RHBDL3: variants seen among roughly 807,000 people sequenced by gnomAD.
RHBDL3 encodes the protein rhomboid-related protein 3.
RHBDL3 carries 28 observed loss-of-function variants against 48.2 expected under a neutral mutation model. The observed-to-expected ratio is 0.58, with a 90% CI of 0.43 to 0.80. The LOEUF is 0.80. Among genes scored for constraint, RHBDL3 ranks in the 30% least tolerant of loss-of-function variants. The pLI, the probability that RHBDL3 is intolerant of heterozygous loss-of-function variation, is 0.00. For synonymous variants in RHBDL3, 208 were observed against 232.3 expected, an observed-to-expected ratio of 0.90 and a Z score of 0.95; for missense variants, 464 against 542.7, an observed-to-expected ratio of 0.85 and a Z score of 1.44.
At chr17:32,294,482 C>T (rs1344163274) in intron 5 of RHBDL3, 40 bp downstream of exon 5, 1 of 1,569,072 alleles carries the variant, frequency 6.4e-7, no homozygotes. Context: ...AAAGACCCTA[C>T]AGAAAAATAA....
chr17:32,316,193 G>A lies in RHBDL3; in HGVS notation c.883-39G>A, dbSNP rs758561554. ...AGCAAGACACACCGGCAGAAGAGTG[G>A]TCTAATCTGGAACTGACTGAGCTCT... On this transcript the variant is annotated intron_variant, in intron 7 of 8. Coordinates refer to ENST00000269051, the MANE Select transcript of RHBDL3 (RefSeq NM_138328.3). The A allele has an allele frequency of 1.6e-5, 24 of 1,478,202 alleles. 1 individual carries two copies. In the South Asian group the frequency reaches 2.4e-4, roughly 15 times the overall value. The allele number at this position is 1,478,202 out of a possible 1,614,324, so 91.6% of individuals were successfully genotyped here. A position where few individuals can be genotyped will look rare whatever the true frequency, so the allele number is the denominator to read the frequency against.
At chr17:32,287,842 G>C (rs2040232910) in intron 3 of RHBDL3, among the ~76,000 whole-genome samples, 1 of 152,242 alleles carries the variant, frequency 6.6e-6, no homozygotes, top group African/African-American at 2.4e-5. Flanking sequence ...AGGGTCTACA[G>C]TTGGCCGTGG....
At position 32,266,239 on chromosome 17, in the gene RHBDL3, C is replaced by G. The variant is rs942790683; in HGVS notation, c.50C>G (p.Ala17Gly). Residue 17 changes from alanine (A) to glycine (G), a missense_variant, in exon 1 of 9, where the codon GCG becomes GGG. By Grantham distance (60) the Ala-to-Gly change is moderately conservative. Coordinates refer to ENST00000269051, the MANE Select transcript of RHBDL3 (RefSeq NM_138328.3). ...CCCGCGGTGGCCGCCTGCGCCGAGGCGGAGCGCATCGAGGAGCTGGAACCC... is the reference window on the plus strand; with the variant it reads ...CCCGCGGTGGCCGCCTGCGCCGAGGGGGAGCGCATCGAGGAGCTGGAACCC... ...PGPAVAACAE[A>G]ERIEELEPEA... is the part of the protein sequence containing the mutation. 5 of 1,452,926 alleles carry G rather than the reference C, an allele frequency of 3.4e-6. No individual in the cohort carries two copies. The highest frequency in any genetic ancestry group is 2.7e-6 in the Non-Finnish European group (3 of 1,109,178). 90.0% of individuals were successfully genotyped at this position (1,452,926 alleles called of 1,614,324 possible).
chr17:32,280,209 T>C (rs1057233120), intron 2 of RHBDL3, among the ~76,000 whole-genome samples: 11 of 152,148 alleles, frequency 7.2e-5, no homozygotes, highest in African/African-American at 2.7e-4. Flanking sequence ...GCTGGGCCCC[T>C]ACGGCCCATT....
chr17:32,324,390 G>A lies in RHBDL3; in HGVS notation c.*3161G>A, dbSNP rs185225092. 3.3e-5 allele frequency: 5 copies of A among 152,670 alleles called. No homozygotes were observed. The highest frequency in any genetic ancestry group is 2.0e-4 in the Admixed American group (3 of 15,276). The allele number at this position is 152,670 out of a possible 1,614,324, so 9.5% of individuals were successfully genotyped here. A position where few individuals can be genotyped will look rare whatever the true frequency, so the allele number is the denominator to read the frequency against. ...AGCGTCCAATTTAATTTGCAAATACGTAATGCAGATTCCCTGGGTGCCGTG... is the reference window on the plus strand; with the variant it reads ...AGCGTCCAATTTAATTTGCAAATACATAATGCAGATTCCCTGGGTGCCGTG... On this transcript the variant is annotated 3_prime_UTR_variant, in exon 9 of 9. Transcript: ENST00000269051.
chr17:32,284,182 AG>A (rs1348635060), intron 2 of RHBDL3: 1 of 152,706 alleles, frequency 6.5e-6, no homozygotes, highest in Non-Finnish European at 1.5e-5. Context: ...GAGGGCGGCC[AG>A]GGGCAGAAGG....
chr17:32,304,726 A>T (rs548650035), intron 6 of RHBDL3, among the ~76,000 whole-genome samples: 62 of 152,324 alleles, frequency 4.1e-4, no homozygotes, highest in African/African-American at 1.5e-3. Context: ...AGAGGCAGAT[A>T]ATCCAGGTAG....
At chr17:32,278,038 C>T (rs1462602764) in intron 2 of RHBDL3, among the ~76,000 whole-genome samples, 3 of 152,126 alleles carry the variant, frequency 2.0e-5, no homozygotes, top group Non-Finnish European at 4.4e-5. Flanking sequence ...TGGCTCACAC[C>T]TGTAATCCCA....
At chr17:32,283,134 G>C (rs1166622130) in intron 2 of RHBDL3, among the ~76,000 whole-genome samples, 3 of 152,046 alleles carry the variant, frequency 2.0e-5, no homozygotes, top group Non-Finnish European at 4.4e-5. Flanking sequence ...ACTCACAGCT[G>C]CATCTCCAGG....
intron 6 of RHBDL3, among the ~76,000 whole-genome samples, chr17:32,301,967 T>A (rs2040593992): frequency 6.6e-6 from 1 of 152,260 alleles, no homozygotes; most frequent in Non-Finnish European, 1.5e-5. Flanking sequence ...TTATCACAGC[T>A]GTACCTTATG....
At chr17:32,314,474 C>T (rs1180036016) in intron 7 of RHBDL3, among the ~76,000 whole-genome samples, 3 of 152,106 alleles carry the variant, frequency 2.0e-5, no homozygotes, top group South Asian at 2.1e-4. Flanking sequence ...TGAGCCACCG[C>T]GCCCAGCCGG....
intron 8 of RHBDL3, 108 bp downstream of exon 8, chr17:32,316,400 T>C: frequency 1.3e-6 from 1 of 792,806 alleles, no homozygotes. Flanking sequence ...AAAAAAAAAG[T>C]GGGACATGTC....
intron 1 of RHBDL3, among the ~76,000 whole-genome samples, chr17:32,267,370 G>A (rs1567758010): frequency 6.8e-6 from 1 of 147,890 alleles, no homozygotes; most frequent in African/African-American, 2.5e-5. Context: ...AACAAAAAAC[G>A]AACAAACAAA....
intron 4 of RHBDL3, 145 bp from the exon 5 acceptor site, chr17:32,294,149 A>C (rs535410818): frequency 1.8e-6 from 1 of 544,976 alleles, no homozygotes; most frequent in African/African-American, 2.0e-5. Flanking sequence ...AAAAAAACTC[A>C]GTTGGGCCCT....
At chr17:32,305,748 C>T (rs982860563) in intron 7 of RHBDL3, among the ~76,000 whole-genome samples, 1 of 152,062 alleles carries the variant, frequency 6.6e-6, no homozygotes, top group African/African-American at 2.4e-5. Context: ...GAAACCCCAT[C>T]TCTACTAAAA....
chr17:32,283,791 G>A (rs2040127744), intron 2 of RHBDL3, among the ~76,000 whole-genome samples: 2 of 152,174 alleles, frequency 1.3e-5, no homozygotes, highest in African/African-American at 4.8e-5. Flanking sequence ...GACCCGCGAG[G>A]CGCCGCGGTC....
chr17:32,304,768 C>A (rs185763828), intron 6 of RHBDL3, among the ~76,000 whole-genome samples: 250 of 152,254 alleles, frequency 1.6e-3, no homozygotes, highest in African/African-American at 5.8e-3. Flanking sequence ...CAGGACACTT[C>A]CCTCTTTGAG....
intron 5 of RHBDL3, among the ~76,000 whole-genome samples, chr17:32,294,792 A>AT (rs35004714): frequency 0.26 from 39,782 of 152,052 alleles, 6,325 homozygotes; most frequent in African/African-American, 0.46. Flanking sequence ...GCAAAAAGGG[A>AT]GTCAAGCCAC....
At chr17:32,275,234 G>A (rs1404566725) in intron 2 of RHBDL3, among the ~76,000 whole-genome samples, 2 of 152,200 alleles carry the variant, frequency 1.3e-5, no homozygotes, top group Non-Finnish European at 2.9e-5. Flanking sequence ...CCATGACTCG[G>A]CTTCAGTCCC....
Sources: gnomAD v4.1 joint callset for allele counts (sites outside exome capture counted in the v4.1 genomes callset) on GRCh38, gnomAD v4.1.1 for gene constraint, MANE v1.5 for transcripts, NCBI Gene and HGNC (gene_info 2026-07-23, HGNC 2026-07-21) for gene names.